Variants in LMX1A observed in about 807,000 individuals in gnomAD.
LMX1A encodes the protein LIM homeobox transcription factor 1 alpha.
A neutral mutation model predicts 49.1 loss-of-function variants in LMX1A; 15 were observed. That is an observed-to-expected ratio of 0.31 (90% CI 0.20 to 0.47). The LOEUF (loss-of-function observed/expected upper bound fraction) is 0.47. Among genes scored for constraint, LMX1A ranks in the 20% least tolerant of loss-of-function variants. LMX1A has a pLI of 1.00. For missense variants in LMX1A, 372 were observed against 475.8 expected (o/e 0.78, Z 2.03); for synonymous variants, 167 against 185.7 (o/e 0.90, Z 0.82).
intron 3 of LMX1A, among the ~76,000 whole-genome samples, chr1:165,296,190 A>G (rs1654610011): frequency 6.6e-6 from 1 of 152,242 alleles, no homozygotes; most frequent in African/African-American, 2.4e-5. Flanking sequence ...AGCACCAAAC[A>G]TGCATGTTTC....
At chr1:165,354,147 G>A (rs529016993) in intron 2 of LMX1A, among the ~76,000 whole-genome samples, 55 of 152,270 alleles carry the variant, frequency 3.6e-4, no homozygotes, top group African/African-American at 1.2e-3. Flanking sequence ...GCTATTTAAA[G>A]AAGGCCTTGT....
At chr1:165,333,452 C>T (rs796928797) in intron 3 of LMX1A, among the ~76,000 whole-genome samples, 21 of 152,332 alleles carry the variant, frequency 1.4e-4, no homozygotes, top group African/African-American at 5.1e-4. Context: ...AGCCACTGTG[C>T]TAGGCCCCCT....
At chr1:165,238,961 C>T (rs1293457928) in intron 4 of LMX1A, among the ~76,000 whole-genome samples, 1 of 152,184 alleles carries the variant, frequency 6.6e-6, no homozygotes, top group Non-Finnish European at 1.5e-5. Context: ...TTGCTTTCCT[C>T]ATCAACTTGG....
chr1:165,334,474 T>C (rs1557888092), intron 3 of LMX1A, among the ~76,000 whole-genome samples: 1 of 152,276 alleles, frequency 6.6e-6, no homozygotes. Flanking sequence ...ATCCTAACTT[T>C]AAATGTGAAG....
intron 3 of LMX1A, among the ~76,000 whole-genome samples, chr1:165,258,246 C>A (rs1653314288): frequency 6.6e-6 from 1 of 152,180 alleles, no homozygotes; most frequent in Non-Finnish European, 1.5e-5. Context: ...TCTGGGAGAC[C>A]ATGTGGCTAA....
At chr1:165,257,595 G>A (rs1653295388) in intron 3 of LMX1A, among the ~76,000 whole-genome samples, 3 of 152,196 alleles carry the variant, frequency 2.0e-5, no homozygotes, top group Non-Finnish European at 1.5e-5. Flanking sequence ...AGAGTCTACT[G>A]TGACTCCAAA....
intron 4 of LMX1A, among the ~76,000 whole-genome samples, chr1:165,216,571 T>G (rs995071944): frequency 2.0e-5 from 3 of 152,114 alleles, no homozygotes; most frequent in African/African-American, 7.2e-5. Context: ...GCTGGGAGAT[T>G]CCCAGTATAG....
At chr1:165,257,855 C>T (rs1653303191) in intron 3 of LMX1A, among the ~76,000 whole-genome samples, 1 of 152,130 alleles carries the variant, frequency 6.6e-6, no homozygotes, top group Non-Finnish European at 1.5e-5. Flanking sequence ...GGATGGAGGA[C>T]AAGGCAAACC....
intron 7 of LMX1A, 102 bp downstream of exon 7, chr1:165,207,961 C>G: frequency 1.0e-6 from 1 of 969,930 alleles, no homozygotes; most frequent in South Asian, 1.6e-5. Context: ...CTAGGCTTCA[C>G]TGAGTCCAGA....
At chr1:165,263,762 A>G (rs541445193) in intron 3 of LMX1A, among the ~76,000 whole-genome samples, 2 of 152,356 alleles carry the variant, frequency 1.3e-5, no homozygotes, top group East Asian at 3.9e-4. Flanking sequence ...ATGAAGGTTT[A>G]AGTAATTTGC....
intron 4 of LMX1A, among the ~76,000 whole-genome samples, chr1:165,239,186 C>T (rs1334297569): frequency 6.6e-6 from 1 of 152,188 alleles, no homozygotes; most frequent in Admixed American, 6.5e-5. Context: ...TGCTGTGAAG[C>T]AACTGCACAA....
chr1:165,219,184 T>A (rs1651747420), intron 4 of LMX1A: 1 of 152,254 alleles, frequency 6.6e-6, no homozygotes, highest in Non-Finnish European at 1.5e-5. Flanking sequence ...AGCCATGGTT[T>A]ATGGCTCAGA....
At chr1:165,313,902 C>A (rs771611978) in intron 3 of LMX1A, among the ~76,000 whole-genome samples, 2 of 152,054 alleles carry the variant, frequency 1.3e-5, no homozygotes, top group Non-Finnish European at 2.9e-5. Flanking sequence ...ACAACAACAA[C>A]AAAAACAGCA....
At chr1:165,319,570 TAAAC>T (rs538736075) in intron 3 of LMX1A, among the ~76,000 whole-genome samples, 53 of 152,142 alleles carry the variant, frequency 3.5e-4, no homozygotes, top group African/African-American at 1.3e-3. Context: ...CATAAGTAGG[TAAAC>T]AAATTATTCT....
intron 4 of LMX1A, among the ~76,000 whole-genome samples, chr1:165,221,908 TACAC>T (rs3038076): frequency 0.4 from 50,299 of 126,740 alleles, 8,875 homozygotes; most frequent in Non-Finnish European, 0.46. Context: ...GTCTCCACTC[TACAC>T]ACACACACAC....
intron 3 of LMX1A, among the ~76,000 whole-genome samples, chr1:165,308,454 A>G (rs796226207): frequency 2.0e-5 from 3 of 152,338 alleles, no homozygotes; most frequent in African/African-American, 7.2e-5. Context: ...TGATTCTGCA[A>G]AGTGTCTGCT....
chr1:165,236,852 GTTTT>G (rs11302510), intron 4 of LMX1A, among the ~76,000 whole-genome samples: 1 of 144,342 alleles, frequency 6.9e-6, no homozygotes, highest in Admixed American at 6.9e-5. Context: ...GGAGTTCAAA[GTTTT>G]TTTTTTTTTT....
chr1:165,293,721 C>T (rs1193994451), intron 3 of LMX1A, among the ~76,000 whole-genome samples: 7 of 152,172 alleles, frequency 4.6e-5, no homozygotes. Flanking sequence ...CTGGTCAGGG[C>T]CCATTTTCTG....
At chr1:165,351,352 C>T (rs1372516135) in intron 3 of LMX1A, among the ~76,000 whole-genome samples, 2 of 152,168 alleles carry the variant, frequency 1.3e-5, no homozygotes, top group South Asian at 2.1e-4. Flanking sequence ...GAGAAAAAAG[C>T]GAGCAATCAG....
Sources: allele counts gnomAD v4.1 joint callset (sites outside exome capture counted in the v4.1 genomes callset), GRCh38; gene constraint gnomAD v4.1.1; transcripts MANE v1.5; gene names NCBI Gene and HGNC (gene_info 2026-07-23, HGNC 2026-07-21).